The following COL2A1 variants were observed in gnomAD, a reference collection of about 807,000 sequenced individuals.
COL2A1 encodes the protein collagen type II alpha 1 chain, also known as collagen alpha-1(II) chain.
In COL2A1, 28 loss-of-function variants were observed where a neutral mutation model predicts 204.5. The ratio of observed to expected loss-of-function variants is 0.14; its 90% CI spans 0.10 to 0.19. COL2A1 has a LOEUF of 0.19. Among genes scored for constraint, COL2A1 ranks in the 10% least tolerant of loss-of-function variants. The pLI, the probability that COL2A1 is intolerant of heterozygous loss-of-function variation, is 1.00. For missense variants in COL2A1, 1,388 were observed against 2,027.5 expected, an observed-to-expected ratio of 0.68 and a Z score of 6.06; for synonymous variants, 708 against 718.7, an observed-to-expected ratio of 0.99 and a Z score of 0.24.
At chr12:47,979,959 G>C in intron 40 of COL2A1, 50 bp downstream of exon 40, 9 of 1,500,090 alleles carry the variant, frequency 6.0e-6, no homozygotes, top group Non-Finnish European at 8.2e-6. Flanking sequence ...AGCCTCTGGG[G>C]CCAGGCCTCT....
chr12:47,980,711 G>A lies in COL2A1; in HGVS notation c.2518-50C>T. On this transcript the variant is annotated intron_variant, in intron 38 of 53. Coordinates refer to ENST00000380518, the MANE Select transcript of COL2A1 (RefSeq NM_001844.5). The surrounding 1 kb of genome is among the most constrained non-coding windows in gnomAD (Gnocchi z 4.5). ...TGAATGAGGGGCAGGCTAAAACCCTGGAGCTCTTCCAGAAGAGCAGGAGAC... is the reference window on the plus strand; with the variant it reads ...TGAATGAGGGGCAGGCTAAAACCCTAGAGCTCTTCCAGAAGAGCAGGAGAC... 6.4e-7 allele frequency: 1 copy of A among 1,555,406 alleles called. No individual in the cohort carries two copies. The highest frequency in any genetic ancestry group is 8.8e-7 in the Non-Finnish European group (1 of 1,140,188).
chr12:47,987,581 C>T lies in COL2A1; in HGVS notation c.1221+30G>A. The T allele has an allele frequency of 6.4e-7, 1 of 1,574,574 alleles. No homozygotes were observed. Among genetic ancestry groups the T allele is most frequent in the Non-Finnish European group, 8.7e-7 (1 of 1,149,968 alleles). On this transcript the variant is annotated intron_variant, in intron 19 of 53. Coordinates refer to ENST00000380518, the MANE Select transcript of COL2A1 (RefSeq NM_001844.5). The surrounding 1 kb of genome is among the most constrained non-coding windows in gnomAD (Gnocchi z 4.1). ...AGTTCCAAAGCCACAGACCCCAGAC[C>T]CCCCCAGGCCAAAGAGAAGCTGCAC...
At chr12:47,977,488 G>A in intron 45 of COL2A1, 61 bp from the exon 46 acceptor site, 1 of 1,581,068 alleles carries the variant, frequency 6.3e-7, no homozygotes, top group Middle Eastern at 1.7e-4. Flanking sequence ...GGAACAGAAG[G>A]TCCTTCTAGG....
rs773764091 is a variant in COL2A1, at chr12:47,986,366, G to A, written c.1497C>T (p.Gly499=). 1.8e-5 allele frequency: 28 copies of A among 1,569,294 alleles called. No homozygotes were observed. The East Asian group carries it at 4.0e-4, about 23-fold the overall frequency. The change falls in exon 23 of 54, where the codon GGC becomes GGT. Residue 499 remains glycine (G), a synonymous_variant. Transcript: ENST00000380518. ...CTCCAGGGGGACCGATGGGCCCAAC[G>A]CCACCAGGCTCTCCACGGGCACCTC... ...GKRGARGEPG[G]VGPIGPPGER... is the part of the protein sequence containing the mutation.
Position 47,980,104 on chromosome 12 carries a change from G to A in COL2A1, c.2626-42C>T, listed in dbSNP as rs1469124604. 1 of 1,496,736 alleles carries A rather than the reference G, an allele frequency of 6.7e-7. No homozygotes were observed. The allele number at this position is 1,496,736 out of a possible 1,614,324, so 92.7% of individuals were successfully genotyped here. A position where few individuals can be genotyped will look rare whatever the true frequency, so the allele number is the denominator to read the frequency against. On this transcript the variant is annotated intron_variant, in intron 39 of 53. Transcript: ENST00000380518. This position sits in a 1 kb window ranked among gnomAD's most constrained non-coding sequence, Gnocchi z 4.5. ...GAGACAGTGAGGCCCAGTGGCCCAAGGAAGACGGTGGGCTTCTGTCTGAGC... is the reference window on the plus strand; with the variant it reads ...GAGACAGTGAGGCCCAGTGGCCCAAAGAAGACGGTGGGCTTCTGTCTGAGC...
chr12:47,994,149 G>A (rs976217521), intron 12 of COL2A1, 102 bp from the exon 13 acceptor site: 46 of 1,323,128 alleles, frequency 3.5e-5, no homozygotes, highest in East Asian at 4.6e-5. Context: ...CCACCAGGGC[G>A]TTGTCTCGAA....
chr12:47,999,682 T>G, intron 2 of COL2A1: 1 of 404,554 alleles, frequency 2.5e-6, no homozygotes, highest in Non-Finnish European at 4.5e-6. Flanking sequence ...TTCATGTGTC[T>G]TGGAAGCAAA....
At position 47,986,528 on chromosome 12, in the gene COL2A1, C is replaced by T. The variant is rs749488033; in HGVS notation, c.1420-85G>A. ...CGACTCAGAGTATGAAGGAAGTAGC[C>T]TTGGCAACTGTTTCAGGGCTGGGGG... On this transcript the variant is annotated intron_variant, in intron 22 of 53. Coordinates refer to ENST00000380518, the MANE Select transcript of COL2A1 (RefSeq NM_001844.5). 161 of 811,722 alleles carry T rather than the reference C, an allele frequency of 2.0e-4. 1 individual carries two copies. The highest frequency in any genetic ancestry group is 2.9e-4 in the Non-Finnish European group (141 of 491,234). The allele number at this position is 811,722 out of a possible 1,614,324, so 50.3% of individuals were successfully genotyped here. A position where few individuals can be genotyped will look rare whatever the true frequency, so the allele number is the denominator to read the frequency against.
At chr12:47,981,725 G>A in intron 36 of COL2A1, 51 bp downstream of exon 36, 1 of 1,522,604 alleles carries the variant, frequency 6.6e-7, no homozygotes, top group South Asian at 1.2e-5. Context: ...GAGATAAGAA[G>A]GAGGTGTGAC....
At chr12:47,974,954 G>T in intron 51 of COL2A1, 92 bp from the exon 52 acceptor site, 1 of 1,317,514 alleles carries the variant, frequency 7.6e-7, no homozygotes, top group Non-Finnish European at 1.1e-6. Context: ...GAGACAGAGA[G>T]GCCTACAGGG....
chr12:47,993,514 A>G lies in COL2A1; in HGVS notation c.925-12T>C. On this transcript the variant is annotated splice_polypyrimidine_tract_variant and intron_variant, in intron 14 of 53. Transcript: ENST00000380518. The stretch of plus-strand genomic sequence containing the variant: ...GAACCACTCTCACCCTGGAAAAATG[A>G]TGCACAAGGTCAGTGTCTGGGACCC... 2 of 1,613,154 alleles carry G rather than the reference A, an allele frequency of 1.2e-6. No homozygotes were observed. Among genetic ancestry groups the G allele is most frequent in the Non-Finnish European group, 8.5e-7 (1 of 1,179,144 alleles).
chr12:47,982,430 G>A lies in COL2A1; in HGVS notation c.2301+72C>T, dbSNP rs12811832. 432,161 of 1,294,196 alleles carry A rather than the reference G, an allele frequency of 0.33. 75,523 individuals are homozygous for A. Among genetic ancestry groups the A allele is most frequent in the Non-Finnish European group, 0.37 (331,263 of 890,928 alleles). 80.2% of individuals were successfully genotyped at this position (1,294,196 alleles called of 1,614,324 possible). On this transcript the variant is annotated intron_variant, in intron 34 of 53. Transcript: ENST00000380518. ...TCATCACCAGGTGCCATAAGGGAAC[G>A]GAAGCGATCACAAGGGGCAGGAATG...
In COL2A1 at chr12:47,983,317, G is replaced by C. The variant is rs1939199866; in HGVS notation, c.2049+68C>G. On this transcript the variant is annotated intron_variant, in intron 31 of 53. Coordinates refer to ENST00000380518, the MANE Select transcript of COL2A1 (RefSeq NM_001844.5). ...GGGCTCCTCATGCCCTCTTGCCCTT[G>C]CCTCCTAGGCATCAGAAAAGACCTT... is the stretch of plus-strand genomic sequence containing the variant. The C allele has an allele frequency of 1.9e-6, 3 of 1,567,492 alleles. No homozygotes were observed. The East Asian group carries it at 6.7e-5, about 35-fold the overall frequency.
At chr12:48,005,649 G>A (rs2136657235), upstream of COL2A1, 1 of 152,340 alleles carries the variant, frequency 6.6e-6, no homozygotes, top group South Asian at 2.1e-4. Context: ...TCTTCTCTTG[G>A]TCTCCGGTGC....
chr12:47,997,510 G>A, intron 7 of COL2A1, 96 bp downstream of exon 7: 1 of 1,609,564 alleles, frequency 6.2e-7, no homozygotes, highest in Non-Finnish European at 8.5e-7. Flanking sequence ...CACACTGCTG[G>A]CAGCCCTGGG....
chr12:47,986,980 C>T, intron 21 of COL2A1, 92 bp from the exon 22 acceptor site: 1 of 1,587,180 alleles, frequency 6.3e-7, no homozygotes, highest in Non-Finnish European at 8.7e-7. Flanking sequence ...CGGATGGAGG[C>T]CGCTGTGAGG....
In COL2A1 at chr12:47,980,759, TC is replaced by T; in HGVS notation, c.2518-99del. The T allele has an allele frequency of 7.1e-7, 1 of 1,417,262 alleles. No homozygotes were observed. The highest frequency in any genetic ancestry group is 9.8e-7 in the Non-Finnish European group (1 of 1,024,030). 87.8% of individuals were successfully genotyped at this position (1,417,262 alleles called of 1,614,324 possible). ...GACTCTGTGAGTATCTGCGTGTGTG[TC>T]CTGGTCTGGACATGATGGTTCTATT... On this transcript the variant is annotated intron_variant, in intron 38 of 53. Transcript: ENST00000380518. The surrounding 1 kb of genome is among the most constrained non-coding windows in gnomAD (Gnocchi z 4.5).
Position 47,981,764 on chromosome 12 carries a change from G to A in COL2A1, c.2409+12C>T. On this transcript the variant is annotated intron_variant, in intron 36 of 53. Transcript: ENST00000380518. ...GAGGCAAGGTGTGGAGAGGAAAGGA[G>A]CCGGGACTCACCTTCTCGCCATTAG... 6.4e-7 allele frequency: 1 copy of A among 1,552,706 alleles called. No homozygotes were observed.
intron 2 of COL2A1, 146 bp from the exon 3 acceptor site, chr12:47,998,577 C>T: frequency 1.2e-6 from 1 of 829,874 alleles, no homozygotes; most frequent in Non-Finnish European, 1.9e-6. Flanking sequence ...TCCACTGAAC[C>T]CCTCTGTTGG....
Sources: gnomAD v4.1 joint callset for allele counts on GRCh38, gnomAD v4.1.1 for gene constraint, Gnocchi (gnomAD v3.1) non-coding constraint, MANE v1.5 for transcripts, NCBI Gene and HGNC (gene_info 2026-07-23, HGNC 2026-07-21) for gene names.